The following CFAP100 variants were observed in gnomAD, a reference collection of about 807,000 sequenced individuals.
CFAP100 encodes the protein cilia- and flagella-associated protein 100.
In CFAP100, 70 loss-of-function variants were observed where a neutral mutation model predicts 81.5. The observed-to-expected ratio is 0.86, with a 90% confidence interval of 0.71 to 1.05. CFAP100 has a LOEUF of 1.05. Ranked by LOEUF, CFAP100 falls within the 50% of genes least tolerant of loss-of-function variation. The pLI is 0.00. For synonymous variants in CFAP100, 341 were observed against 314.8 expected (o/e 1.08, Z -0.88); for missense variants, 811 against 776.5 (o/e 1.04, Z -0.53).
intron 14 of CFAP100, chr3:126,433,796 T>G (rs1933338085): frequency 4.6e-6 from 1 of 215,252 alleles, no homozygotes; most frequent in African/African-American, 2.3e-5. Context: ...TGCTCCTCTC[T>G]CCTCATATAG....
chr3:126,416,740 C>A, intron 5 of CFAP100: 1 of 418,246 alleles, frequency 2.4e-6, no homozygotes, highest in Non-Finnish European at 4.2e-6. Flanking sequence ...AGTTCCCCAC[C>A]TTATCCTTGG....
At chr3:126,412,688 A>T (rs1162572272) in intron 3 of CFAP100, among the ~76,000 whole-genome samples, 2 of 152,186 alleles carry the variant, frequency 1.3e-5, no homozygotes, top group Non-Finnish European at 2.9e-5. Flanking sequence ...GGGTGGGCTC[A>T]TCTTCACCTA....
intron 3 of CFAP100, 61 bp from the exon 4 acceptor site, chr3:126,414,024 G>C (rs917752396): frequency 7.8e-7 from 1 of 1,282,048 alleles, no homozygotes; most frequent in Non-Finnish European, 1.1e-6. Flanking sequence ...GGGCCCCAGA[G>C]ACAGAGACCA....
intron 14 of CFAP100, 92 bp downstream of exon 14, chr3:126,433,296 G>A (rs920981333): frequency 7.0e-5 from 105 of 1,492,118 alleles, no homozygotes; most frequent in Non-Finnish European, 9.4e-5. Context: ...TGGGAAGATG[G>A]AGGACAAGGC....
Position 126,423,240 on chromosome 3 carries a change from C to T in CFAP100, c.1083-85C>T, listed in dbSNP as rs1192036573. The T allele has an allele frequency of 6.0e-5, 68 of 1,126,080 alleles. 1 individual carries two copies. The highest frequency in any genetic ancestry group is 2.6e-4 in the Middle Eastern group (1 of 3,920). The allele number at this position is 1,126,080 out of a possible 1,614,324, so 69.8% of individuals were successfully genotyped here. ...AGAGGAGGGATGGGGATGCTGCCAA[C>T]GCCTTCAAGACCTCTGTGCCCCCTC... On this transcript the variant is annotated intron_variant, in intron 11 of 16. Transcript: ENST00000352312.
intron 15 of CFAP100, among the ~76,000 whole-genome samples, chr3:126,434,949 C>G (rs16837468): frequency 0.11 from 16,098 of 152,102 alleles, 1,197 homozygotes; most frequent in African/African-American, 0.22. Context: ...TGCTATCTGT[C>G]GGGACACCAG....
At chr3:126,419,494 G>A (rs1177008111) in intron 8 of CFAP100, 143 bp from the exon 9 acceptor site, 5 of 730,036 alleles carry the variant, frequency 6.8e-6, no homozygotes, top group Non-Finnish European at 1.1e-5. Flanking sequence ...CTTCCAGCAT[G>A]TGGCATTCCT....
At chr3:126,410,487 A>G (rs927835196) in intron 3 of CFAP100, among the ~76,000 whole-genome samples, 2 of 151,632 alleles carry the variant, frequency 1.3e-5, no homozygotes, top group African/African-American at 2.4e-5. Flanking sequence ...TGTGATCCTT[A>G]TACCTTTTCT....
chr3:126,423,770 C>G (rs1214670200), intron 13 of CFAP100, 126 bp downstream of exon 13: 3 of 1,185,214 alleles, frequency 2.5e-6, no homozygotes, highest in Non-Finnish European at 3.6e-6. Flanking sequence ...TCCAGGTTGT[C>G]TGAAAAGCTC....
chr3:126,424,087 CACT>C (rs1576642267), intron 13 of CFAP100, among the ~76,000 whole-genome samples: 1 of 152,246 alleles, frequency 6.6e-6, no homozygotes, highest in African/African-American at 2.4e-5. Context: ...TTTCGTAGAC[CACT>C]GAGCGGGTGT....
intron 4 of CFAP100, among the ~76,000 whole-genome samples, 191 bp from the exon 5 acceptor site, chr3:126,416,125 C>T (rs1267364837): frequency 6.6e-6 from 1 of 152,184 alleles, no homozygotes; most frequent in East Asian, 1.9e-4. Flanking sequence ...CCCTGACTGG[C>T]GCCCTTCTCG....
intron 7 of CFAP100, 35 bp from the exon 8 acceptor site, chr3:126,419,040 GC>G: frequency 1.2e-6 from 1 of 801,216 alleles, no homozygotes; most frequent in Admixed American, 2.4e-5. Context: ...CTGGCCCCTT[GC>G]CCCCATCCCT....
At chr3:126,431,469 T>C in intron 13 of CFAP100, among the ~76,000 whole-genome samples, 1 of 151,972 alleles carries the variant, frequency 6.6e-6, no homozygotes, top group Non-Finnish European at 1.5e-5. Context: ...GGGGGAGAGG[T>C]GACATAGGCA....
intron 2 of CFAP100, among the ~76,000 whole-genome samples, chr3:126,397,554 G>C (rs1301469278): frequency 6.6e-6 from 1 of 152,218 alleles, no homozygotes; most frequent in Non-Finnish European, 1.5e-5. Flanking sequence ...TGCCTAGTTG[G>C]GGTACCCTAT....
chr3:126,433,238 G>A lies in CFAP100; in HGVS notation c.1422+34G>A, dbSNP rs1451892425. The A allele has an allele frequency of 3.7e-6, 6 of 1,611,892 alleles. No individual in the cohort carries two copies. In the African/African-American group the frequency reaches 6.7e-5, roughly 18 times the overall value. On this transcript the variant is annotated intron_variant, in intron 14 of 16. Transcript: ENST00000352312. ...GGGATCAAGGTGGCCAGAGGCCCAGGGTAAGGAGGGACCCTTGGGCACCCA... is the reference window on the plus strand; with the variant it reads ...GGGATCAAGGTGGCCAGAGGCCCAGAGTAAGGAGGGACCCTTGGGCACCCA...
rs1560083185 is a variant in CFAP100 at position 126,434,362 on chromosome 3, GAGA to G, written c.1612_1614del (p.Lys538del). On this transcript the variant is annotated inframe_deletion, in exon 15 of 17. Transcript: ENST00000352312. ...GATCGAGCAGGCCGAGAGGGCAAAG[GAGA>G]AGGAGCGGCGCATCAGGTGAGCTCT... 5 of 1,613,592 alleles carry G rather than the reference GAGA, an allele frequency of 3.1e-6. No homozygotes were observed. In the South Asian group the frequency reaches 3.3e-5, roughly 11 times the overall value.
chr3:126,405,331 A>G (rs181998010), intron 2 of CFAP100, among the ~76,000 whole-genome samples: 3 of 152,328 alleles, frequency 2.0e-5, no homozygotes, highest in Non-Finnish European at 2.9e-5. Flanking sequence ...CCAAGGGCAT[A>G]TAAGTGTATG....
chr3:126,406,900 G>A (rs1013640919), intron 2 of CFAP100, among the ~76,000 whole-genome samples: 3 of 152,214 alleles, frequency 2.0e-5, no homozygotes, highest in Admixed American at 6.5e-5. Flanking sequence ...TACTCTTAAG[G>A]AACACACTGA....
chr3:126,423,728 A>C, intron 13 of CFAP100, 84 bp downstream of exon 13: 1 of 1,529,990 alleles, frequency 6.5e-7, no homozygotes, highest in Non-Finnish European at 9.0e-7. Flanking sequence ...AGTTGGGGAA[A>C]CAGCCCACAC....
Sources: gnomAD v4.1 joint callset for allele counts (sites outside exome capture counted in the v4.1 genomes callset) on GRCh38, gnomAD v4.1.1 for gene constraint, MANE v1.5 for transcripts, NCBI Gene and HGNC (gene_info 2026-07-23, HGNC 2026-07-21) for gene names.